The following SHB variants were observed in gnomAD, a reference collection of about 807,000 sequenced individuals.
SHB encodes the protein SH2 domain containing adaptor protein B.
SHB carries 20 observed loss-of-function variants against 52.3 expected under a neutral mutation model. The ratio of observed to expected loss-of-function variants is 0.38; its 90% CI spans 0.27 to 0.56. The LOEUF (loss-of-function observed/expected upper bound fraction) is 0.56, where lower values mean the gene tolerates loss of function less well. Among genes scored for constraint, SHB ranks in the 20% least tolerant of loss-of-function variants. The pLI is 0.71. For missense variants in SHB, 825 were observed against 723.3 expected (o/e 1.14, Z -1.61); for synonymous variants, 397 against 316.5 (o/e 1.25, Z -2.70).
chr9:38,033,740 T>C (rs1023658720), intron 1 of SHB, among the ~76,000 whole-genome samples: 10 of 152,040 alleles, frequency 6.6e-5, no homozygotes, highest in Admixed American at 6.5e-4. Flanking sequence ...AGCCTCTCCA[T>C]AACTCTCAGT....
intron 5 of SHB, among the ~76,000 whole-genome samples, chr9:37,939,748 G>A (rs888777833): frequency 3.3e-5 from 5 of 152,206 alleles, no homozygotes; most frequent in Admixed American, 3.3e-4. Flanking sequence ...CTCGAGCTGT[G>A]TTGCAATCTC....
At chr9:37,956,353 TC>T (rs386419557) in intron 3 of SHB, among the ~76,000 whole-genome samples, 1 of 151,928 alleles carries the variant, frequency 6.6e-6, no homozygotes, top group African/African-American at 2.4e-5. Flanking sequence ...GGCACTGCCT[TC>T]GGGGGGCACT....
chr9:37,976,695 C>A (rs7851774), intron 2 of SHB, among the ~76,000 whole-genome samples: 40,637 of 152,018 alleles, frequency 0.27, 5,563 homozygotes, highest in East Asian at 0.39. Flanking sequence ...AGTACCAGGT[C>A]CAAGGAGGTG....
At position 37,993,267 on chromosome 9, in the gene SHB, T is replaced by C. The variant is rs534075088; in HGVS notation, c.839-18430A>G. Among the ~76,000 whole-genome samples the C allele has an allele frequency of 2.6e-5, 4 of 152,230 alleles. No homozygotes were observed. In the South Asian group the frequency reaches 8.3e-4, roughly 32 times the overall value. Reference sequence around the variant, plus strand: ...GAACGGATGCCTACTTGAATGTGTGTGCGCGTGTGTGTGTTAAACAAGAAA... The same window carrying C: ...GAACGGATGCCTACTTGAATGTGTGCGCGCGTGTGTGTGTTAAACAAGAAA... On this transcript the variant is annotated intron_variant, in intron 2 of 5. Coordinates refer to ENST00000377707, the MANE Select transcript of SHB (RefSeq NM_003028.3).
intron 2 of SHB, among the ~76,000 whole-genome samples, chr9:37,993,942 C>G (rs1820914941): frequency 1.3e-5 from 2 of 152,168 alleles, no homozygotes; most frequent in African/African-American, 4.8e-5. Context: ...GAAGCTGAGA[C>G]CCAGGACGGC....
intron 5 of SHB, chr9:37,936,799 G>A (rs1333978370): frequency 6.6e-6 from 1 of 152,170 alleles, no homozygotes; most frequent in Non-Finnish European, 1.5e-5. Flanking sequence ...CAAAAACTGG[G>A]TGACATTTTA....
intron 3 of SHB, among the ~76,000 whole-genome samples, chr9:37,973,362 T>A (rs1820613498): frequency 6.6e-6 from 1 of 152,218 alleles, no homozygotes; most frequent in Non-Finnish European, 1.5e-5. Flanking sequence ...TAGCTGAGAT[T>A]ACAGTCATGT....
chr9:38,029,857 TG>T, intron 1 of SHB, among the ~76,000 whole-genome samples: 1 of 152,326 alleles, frequency 6.6e-6, no homozygotes, highest in Middle Eastern at 3.4e-3. Flanking sequence ...TAAGCACTGC[TG>T]AAGTATTTGA....
At chr9:37,921,178 G>T (rs1005027118) in intron 5 of SHB, among the ~76,000 whole-genome samples, 1 of 152,184 alleles carries the variant, frequency 6.6e-6, no homozygotes, top group Non-Finnish European at 1.5e-5. Flanking sequence ...ACTTTATCGG[G>T]TGTCTGTCCC....
rs112556688 is a variant in SHB at position 37,986,298 on chromosome 9, T to A, written c.839-11461A>T. On this transcript the variant is annotated intron_variant, in intron 2 of 5. Transcript: ENST00000377707. ...GGGCAGGACAAGCATAAACCAAGTT[T>A]GGGAGAGAGGAAAGCTGGGGGATGT... Among the ~76,000 whole-genome samples, 1,113 of 152,128 alleles carry A rather than the reference T, an allele frequency of 7.3e-3. 8 individuals are homozygous for A. The highest frequency in any genetic ancestry group is 0.017 in the Middle Eastern group (5 of 294).
At position 37,917,406 on chromosome 9, in the gene SHB, A is replaced by G. The variant is rs1033530058; in HGVS notation, c.*2415T>C. Among the ~76,000 whole-genome samples the G allele has an allele frequency of 6.6e-6, 1 of 152,162 alleles. No individual in the cohort carries two copies. The highest frequency in any genetic ancestry group is 1.5e-5 in the Non-Finnish European group (1 of 68,026). Reference sequence around the variant, plus strand: ...CCAGAGGGCACAGCTGCCAGCTTCCACTGAGACCCTCCCAGAGCCTTTTCT... The same window carrying G: ...CCAGAGGGCACAGCTGCCAGCTTCCGCTGAGACCCTCCCAGAGCCTTTTCT... On this transcript the variant is annotated 3_prime_UTR_variant, in exon 6 of 6. Coordinates refer to ENST00000377707, the MANE Select transcript of SHB (RefSeq NM_003028.3).
intron 1 of SHB, among the ~76,000 whole-genome samples, chr9:38,036,560 G>A (rs1461541844): frequency 6.6e-6 from 1 of 152,178 alleles, no homozygotes; most frequent in Non-Finnish European, 1.5e-5. Flanking sequence ...CACTGGCGGC[G>A]ATGATCTCAA....
chr9:38,020,083 C>T (rs541664310), intron 1 of SHB, among the ~76,000 whole-genome samples: 1 of 152,296 alleles, frequency 6.6e-6, no homozygotes, highest in South Asian at 2.1e-4. Context: ...TCCAAACTGA[C>T]CCCTCTTTGG....
At chr9:38,005,253 G>A (rs1821064356) in intron 2 of SHB, among the ~76,000 whole-genome samples, 1 of 152,236 alleles carries the variant, frequency 6.6e-6, no homozygotes, top group Non-Finnish European at 1.5e-5. Context: ...CTTTAAGGTG[G>A]CCAGGTACAA....
rs1432939532 is a variant in SHB, at chr9:37,950,634, T to C, written c.1227-1880A>G. On this transcript the variant is annotated intron_variant, in intron 4 of 5. Coordinates refer to ENST00000377707, the MANE Select transcript of SHB (RefSeq NM_003028.3). ...GGAGTGTGCTTTGTCCACAGAGACA[T>C]GGATGCTGCTCCGAATGGTGGCTCT... is the stretch of plus-strand genomic sequence containing the variant. 4.6e-5 allele frequency among the ~76,000 whole-genome samples: 7 copies of C among 152,152 alleles called. No homozygotes were observed. In the East Asian group the frequency reaches 1.2e-3, roughly 25 times the overall value.
chr9:38,068,250 G>T lies in SHB; in HGVS notation c.396C>A (p.Ser132=). ...GGVQRAFSAS[S]ASGAAGCCCA... Reference sequence around the variant, plus strand: ...AGCAACAGCCCGCGGCGCCCGACGCGGACGAGGCCGAGAAGGCGCGCTGGA... The same window carrying T: ...AGCAACAGCCCGCGGCGCCCGACGCTGACGAGGCCGAGAAGGCGCGCTGGA... Residue 132 remains serine, a synonymous_variant, in exon 1 of 6, where the codon TCC becomes TCA. Coordinates refer to ENST00000377707, the MANE Select transcript of SHB (RefSeq NM_003028.3). 7.0e-7 allele frequency: 1 copy of T among 1,421,482 alleles called. No individual in the cohort carries two copies. Among genetic ancestry groups the T allele is most frequent in the Non-Finnish European group, 9.1e-7 (1 of 1,098,176 alleles). The allele number at this position is 1,421,482 out of a possible 1,614,324, so 88.1% of individuals were successfully genotyped here. A position where few individuals can be genotyped will look rare whatever the true frequency, so the allele number is the denominator to read the frequency against.
At chr9:37,976,622 A>T (rs1820658828) in intron 2 of SHB, among the ~76,000 whole-genome samples, 1 of 152,168 alleles carries the variant, frequency 6.6e-6, no homozygotes, top group Non-Finnish European at 1.5e-5. Flanking sequence ...TAGCCTGTGT[A>T]TGACTTTCCT....
chr9:37,970,659 T>C (rs1263910872), intron 3 of SHB, among the ~76,000 whole-genome samples: 2 of 152,188 alleles, frequency 1.3e-5, no homozygotes, highest in African/African-American at 4.8e-5. Context: ...GAATGAAGCC[T>C]GGATGCATAC....
chr9:38,024,950 A>C (rs188825886), intron 1 of SHB, among the ~76,000 whole-genome samples: 1 of 152,208 alleles, frequency 6.6e-6, no homozygotes, highest in African/African-American at 2.4e-5. Flanking sequence ...GACACCATGC[A>C]TAGTTTGAAA....
Sources: allele counts gnomAD v4.1 joint callset (sites outside exome capture counted in the v4.1 genomes callset), GRCh38; gene constraint gnomAD v4.1.1; transcripts MANE v1.5; gene names NCBI Gene and HGNC (gene_info 2026-07-23, HGNC 2026-07-21).